ZNF518A: variants seen among roughly 807,000 people sequenced by gnomAD.
ZNF518A encodes the protein zinc finger protein 518.
ZNF518A carries 47 observed loss-of-function variants against 102.7 expected under a neutral mutation model. That is an observed-to-expected ratio of 0.46 (90% CI 0.36 to 0.58). The LOEUF (loss-of-function observed/expected upper bound fraction) is 0.58, where lower values mean the gene tolerates loss of function less well. Ranked by LOEUF, ZNF518A falls within the 20% of genes least tolerant of loss-of-function variation. The pLI, the probability that ZNF518A is intolerant of heterozygous loss-of-function variation, is 0.00. For synonymous variants in ZNF518A, 652 were observed against 594.6 expected (o/e 1.10, Z -1.40); for missense variants, 1,793 against 1,699.8 (o/e 1.05, Z -0.96).
intron 1 of ZNF518A, among the ~76,000 whole-genome samples, chr10:96,180,670 G>T (rs1313317292): frequency 6.6e-6 from 1 of 152,136 alleles, no homozygotes; most frequent in Non-Finnish European, 1.5e-5. Context: ...CAAAGGACAT[G>T]AACTCATCCT....
At chr10:96,182,742 G>A (rs2083247667) in intron 1 of ZNF518A, among the ~76,000 whole-genome samples, 1 of 152,126 alleles carries the variant, frequency 6.6e-6, no homozygotes, top group Non-Finnish European at 1.5e-5. Context: ...ATTTTATTGA[G>A]GATTTTTGCA....
intron 3 of ZNF518A, among the ~76,000 whole-genome samples, chr10:96,143,675 T>C (rs2082042282): frequency 1.3e-5 from 2 of 152,192 alleles, no homozygotes; most frequent in Non-Finnish European, 2.9e-5. Flanking sequence ...TTTCCTGGAA[T>C]TCAAGAGTAG....
chr10:96,194,846 C>T (rs2083422314), intron 1 of ZNF518A, among the ~76,000 whole-genome samples: 1 of 143,606 alleles, frequency 7.0e-6, no homozygotes, highest in Non-Finnish European at 1.5e-5. Flanking sequence ...TCTCGACTCA[C>T]TGCAAGCTCC....
chr10:96,202,782 A>C (rs1310484114), intron 1 of ZNF518A, among the ~76,000 whole-genome samples: 1 of 152,218 alleles, frequency 6.6e-6, no homozygotes, highest in African/African-American at 2.4e-5. Context: ...CAGTTCTGGC[A>C]GTTGGAAGAG....
chr10:96,136,358 T>C (rs2081597443), intron 3 of ZNF518A, among the ~76,000 whole-genome samples: 1 of 150,356 alleles, frequency 6.7e-6, no homozygotes, highest in Non-Finnish European at 1.5e-5. Flanking sequence ...ATATAACCTT[T>C]CTCAAAAAGG....
At chr10:96,188,864 C>T (rs1808816984) in intron 1 of ZNF518A, among the ~76,000 whole-genome samples, 2 of 152,140 alleles carry the variant, frequency 1.3e-5, no homozygotes, top group Admixed American at 1.3e-4. Flanking sequence ...CACTCAAAGT[C>T]CAAAATCAAG....
chr10:96,158,308 C>A lies in ZNF518A; in HGVS notation c.1986C>A (p.Asn662Lys). 4 of 1,613,628 alleles carry A rather than the reference C, an allele frequency of 2.5e-6. No individual in the cohort carries two copies. The South Asian group carries it at 3.3e-5, about 13-fold the overall frequency. ...RRFSGTAVYE[N>K]PQRESSSSKT... is the part of the protein sequence containing the mutation. ...TTTCAGGAACAGCAGTGTATGAAAA[C>A]CCTCAAAGAGAATCTTCATCCAGCA... The change falls in exon 6 of 6, where the codon AAC becomes AAA. Residue 662 changes from asparagine (N) to lysine (K), a missense_variant. This residue lies in a region of ZNF518A where 1,741 missense variants were observed against 1,622.6 expected (regional missense o/e 1.07). Transcript: ENST00000316045.
chr10:96,172,230 C>T (rs1353438894), intron 1 of ZNF518A, among the ~76,000 whole-genome samples: 1 of 152,002 alleles, frequency 6.6e-6, no homozygotes, highest in Non-Finnish European at 1.5e-5. Flanking sequence ...TCTTTATTTT[C>T]CTTTCTCTTA....
chr10:96,180,180 CTTTTTTTTTTTT>C (rs60561670), intron 1 of ZNF518A, among the ~76,000 whole-genome samples: 1 of 96,280 alleles, frequency 1.0e-5, no homozygotes, highest in African/African-American at 4.3e-5. Context: ...GCTCCAGCCT[CTTTTTTTTTTTT>C]TTTTTTTTTT....
chr10:96,168,005 G>T (rs2083152406), downstream of ZNF518A, among the ~76,000 whole-genome samples: 1 of 152,154 alleles, frequency 6.6e-6, no homozygotes. Flanking sequence ...CCTTCATTCT[G>T]CCCATGCTGT....
At chr10:96,183,983 G>C (rs1554892280) in intron 1 of ZNF518A, among the ~76,000 whole-genome samples, 1 of 152,226 alleles carries the variant, frequency 6.6e-6, no homozygotes, top group Non-Finnish European at 1.5e-5. Context: ...CTTGCTTTAT[G>C]AATCTGGGTG....
At chr10:96,196,335 A>G (rs2083464269) in intron 1 of ZNF518A, among the ~76,000 whole-genome samples, 1 of 152,168 alleles carries the variant, frequency 6.6e-6, no homozygotes, top group African/African-American at 2.4e-5. Context: ...GGCTGGCTAA[A>G]CTGAGATATG....
At chr10:96,165,216 C>T (rs1380364913), downstream of ZNF518A, among the ~76,000 whole-genome samples, 2 of 152,122 alleles carry the variant, frequency 1.3e-5, no homozygotes, top group Non-Finnish European at 2.9e-5. Context: ...CTCTGCCTCC[C>T]GGGTTCAAGT....
rs2082891041 is a variant in ZNF518A, at chr10:96,159,532, G to A, written c.3210G>A (p.Glu1070=). 4 of 1,613,712 alleles carry A rather than the reference G, an allele frequency of 2.5e-6. No homozygotes were observed. In the East Asian group the frequency reaches 6.7e-5, roughly 27 times the overall value. Residue 1070 remains glutamate (E), a synonymous_variant, in exon 6 of 6, where the codon GAG becomes GAA. Coordinates refer to ENST00000316045, the MANE Select transcript of ZNF518A (RefSeq NM_001330736.2). ...TTCTTATTCCTAACATGCTATCTGA[G>A]CAACAGAGCACTAAGTTGAATATCT... ...KAVLIPNMLS[E]QQSTKLNISD...
chr10:96,150,472 A>C (rs1460644072), intron 3 of ZNF518A, among the ~76,000 whole-genome samples: 1 of 151,292 alleles, frequency 6.6e-6, no homozygotes, highest in African/African-American at 2.4e-5. Context: ...TACAAGAATA[A>C]GTTGTAGATA....
chr10:96,184,693 C>T (rs1194884891), intron 1 of ZNF518A, among the ~76,000 whole-genome samples: 2 of 152,232 alleles, frequency 1.3e-5, no homozygotes, highest in Non-Finnish European at 2.9e-5. Flanking sequence ...ATGGGCATCC[C>T]TTTGTGGGTA....
intron 3 of ZNF518A, among the ~76,000 whole-genome samples, chr10:96,144,944 A>C (rs1365524739): frequency 6.6e-6 from 1 of 152,260 alleles, no homozygotes; most frequent in African/African-American, 2.4e-5. Flanking sequence ...AGCATATAGA[A>C]ATAAATATAT....
downstream of ZNF518A, among the ~76,000 whole-genome samples, chr10:96,168,161 G>T (rs1286682192): frequency 5.3e-5 from 8 of 152,232 alleles, no homozygotes; most frequent in East Asian, 5.8e-4. Context: ...AATGTAAAAG[G>T]CCCCATGCAC....
rs1192438553 is a variant in ZNF518A, at chr10:96,162,574, G to A, written c.*1800G>A. On this transcript the variant is annotated 3_prime_UTR_variant, in exon 6 of 6. Transcript: ENST00000316045. ...CTACTTTCTTAGTGAAGTATTTTTT[G>A]TATAAAATGTTACAATTGTGTTTCT... The A allele has an allele frequency of 6.0e-6, 1 of 166,706 alleles. No homozygotes were observed. The highest frequency in any genetic ancestry group is 1.5e-5 in the Non-Finnish European group (1 of 67,994). The allele number at this position is 166,706 out of a possible 1,614,324, so 10.3% of individuals were successfully genotyped here.
Sources: allele counts gnomAD v4.1 joint callset (sites outside exome capture counted in the v4.1 genomes callset), GRCh38; gene constraint gnomAD v4.1.1; regional missense constraint gnomAD v4.1.1; transcripts MANE v1.5; gene names NCBI Gene and HGNC (gene_info 2026-07-23, HGNC 2026-07-21).